TMTC2: variants seen among roughly 807,000 people sequenced by gnomAD.
The protein encoded by TMTC2 is transmembrane O-mannosyltransferase targeting cadherins 2, also known as protein O-mannosyl-transferase TMTC2.
A neutral mutation model predicts 82.4 loss-of-function variants in TMTC2; 43 were observed. That is an observed-to-expected ratio of 0.52 (90% CI 0.41 to 0.67). TMTC2 has a LOEUF of 0.67. Ranked by LOEUF, TMTC2 falls within the 30% of genes least tolerant of loss-of-function variation. The pLI is 0.00. For synonymous variants in TMTC2, 408 were observed against 381.9 expected, an observed-to-expected ratio of 1.07 and a Z score of -0.80; for missense variants, 919 against 1,012.4, an observed-to-expected ratio of 0.91 and a Z score of 1.25.
At chr12:83,007,473 G>A (rs1682585) in intron 8 of TMTC2, among the ~76,000 whole-genome samples, 119,016 of 151,984 alleles carry the variant, frequency 0.78, 47,646 homozygotes, top group South Asian at 0.93. Flanking sequence ...TTGCCCTGGA[G>A]TTTGTGATGG....
chr12:83,049,599 T>C (rs1201319725), intron 9 of TMTC2, among the ~76,000 whole-genome samples: 1 of 152,230 alleles, frequency 6.6e-6, no homozygotes, highest in East Asian at 1.9e-4. Context: ...GTCTTTGCTA[T>C]TGTGACTACT....
intron 11 of TMTC2, among the ~76,000 whole-genome samples, chr12:83,093,467 C>A (rs1357234146): frequency 6.6e-6 from 1 of 150,818 alleles, no homozygotes; most frequent in Non-Finnish European, 1.5e-5. Context: ...ATGAATTTCC[C>A]AAATGTGTTG....
chr12:82,787,669 G>C (rs1675275426), intron 1 of TMTC2, among the ~76,000 whole-genome samples: 1 of 152,082 alleles, frequency 6.6e-6, no homozygotes, highest in Admixed American at 6.6e-5. Context: ...GGCATTTTGG[G>C]AAGCCGAGGT....
At chr12:82,699,574 C>T (rs997155770) in intron 1 of TMTC2, among the ~76,000 whole-genome samples, 2 of 152,136 alleles carry the variant, frequency 1.3e-5, no homozygotes, top group African/African-American at 4.8e-5. Flanking sequence ...AGCTGTTTGT[C>T]AGATGAGCTG....
intron 7 of TMTC2, among the ~76,000 whole-genome samples, chr12:82,980,407 A>G (rs909514946): frequency 6.6e-6 from 1 of 151,886 alleles, no homozygotes; most frequent in Non-Finnish European, 1.5e-5. Flanking sequence ...TGGAATGAAT[A>G]CCTTAGCAAC....
chr12:82,964,437 G>A (rs879581652), intron 4 of TMTC2, among the ~76,000 whole-genome samples: 5 of 152,094 alleles, frequency 3.3e-5, no homozygotes, highest in African/African-American at 9.7e-5. Flanking sequence ...CCGAAATCCA[G>A]TCTTATTCAA....
intron 1 of TMTC2, among the ~76,000 whole-genome samples, chr12:82,703,937 A>G (rs1045369619): frequency 1.3e-5 from 2 of 152,204 alleles, no homozygotes; most frequent in Admixed American, 1.3e-4. Context: ...TCTAGGATAT[A>G]TTTTGATTAT....
chr12:82,928,155 GT>G (rs144630871), intron 3 of TMTC2, among the ~76,000 whole-genome samples: 2,964 of 148,938 alleles, frequency 0.02, 102 homozygotes, highest in East Asian at 0.17. Context: ...TTTGCTATTA[GT>G]TTTTTTTTTA....
intron 2 of TMTC2, among the ~76,000 whole-genome samples, chr12:82,865,140 G>A (rs900537971): frequency 1.3e-5 from 2 of 151,800 alleles, no homozygotes; most frequent in Non-Finnish European, 2.9e-5. Flanking sequence ...CAGGAGAATC[G>A]CTTGGACCCA....
intron 8 of TMTC2, among the ~76,000 whole-genome samples, chr12:82,993,263 G>A (rs113644506): frequency 3.9e-5 from 6 of 152,082 alleles, no homozygotes; most frequent in African/African-American, 1.2e-4. Context: ...GGTTACAGGC[G>A]TGAGCCACTG....
At chr12:82,824,239 G>A (rs1869281963) in intron 1 of TMTC2, among the ~76,000 whole-genome samples, 1 of 152,118 alleles carries the variant, frequency 6.6e-6, no homozygotes, top group Admixed American at 6.5e-5. Flanking sequence ...ATCTTATAAT[G>A]TATGTTATAG....
At chr12:83,045,707 T>TCACACACACACACACACACACA (rs143555229) in intron 9 of TMTC2, among the ~76,000 whole-genome samples, 8,491 of 122,274 alleles carry the variant, frequency 0.069, 933 homozygotes, top group East Asian at 0.12. Context: ...AAGGGCTCCT[T>TCACACACACACACACACACACA]CACACACACA....
chr12:82,911,084 G>A (rs1874622504), intron 3 of TMTC2, among the ~76,000 whole-genome samples: 1 of 152,064 alleles, frequency 6.6e-6, no homozygotes. Context: ...GTTTCACCGT[G>A]TTAGCCAGGA....
At chr12:82,979,146 A>G (rs1474454742) in intron 7 of TMTC2, among the ~76,000 whole-genome samples, 3 of 151,342 alleles carry the variant, frequency 2.0e-5, no homozygotes, top group Admixed American at 1.3e-4. Context: ...TAGCCACTCA[A>G]TGTTTTTATT....
intron 11 of TMTC2, among the ~76,000 whole-genome samples, chr12:83,108,278 T>C (rs1469758048): frequency 1.3e-5 from 2 of 152,120 alleles, no homozygotes; most frequent in African/African-American, 4.8e-5. Context: ...TATATATTAA[T>C]TTTTTATTTA....
At chr12:83,092,815 A>G (rs1446934893) in intron 11 of TMTC2, among the ~76,000 whole-genome samples, 1 of 152,212 alleles carries the variant, frequency 6.6e-6, no homozygotes, top group Non-Finnish European at 1.5e-5. Context: ...GACACATGCA[A>G]ATTATTGGGT....
intron 8 of TMTC2, among the ~76,000 whole-genome samples, chr12:82,997,206 C>CCTCTCTCT (rs202229293): frequency 1.7e-5 from 2 of 117,838 alleles, no homozygotes; most frequent in African/African-American, 7.2e-5. Flanking sequence ...TCCCCCTCTC[C>CCTCTCTCT]CTCTCTCTCT....
At chr12:83,047,619 C>A (rs374371245) in intron 9 of TMTC2, among the ~76,000 whole-genome samples, 1 of 152,214 alleles carries the variant, frequency 6.6e-6, no homozygotes, top group Admixed American at 6.5e-5. Flanking sequence ...AGATATCTAA[C>A]TGATGTGTTG....
chr12:82,902,799 A>G (rs1383791934), intron 3 of TMTC2, among the ~76,000 whole-genome samples: 1 of 152,206 alleles, frequency 6.6e-6, no homozygotes, highest in African/African-American at 2.4e-5. Context: ...GTTGTGCTCC[A>G]GGACTCAGCC....
Sources: allele counts gnomAD v4.1 joint callset (sites outside exome capture counted in the v4.1 genomes callset), GRCh38; gene constraint gnomAD v4.1.1; transcripts MANE v1.5; gene names NCBI Gene and HGNC (gene_info 2026-07-23, HGNC 2026-07-21).